NELL2: variants seen among roughly 807,000 people sequenced by gnomAD.
NELL2 encodes the protein neural EGFL like 2.
NELL2 carries 41 observed loss-of-function variants against 109.6 expected under a neutral mutation model. The observed-to-expected ratio is 0.37, with a 90% CI of 0.29 to 0.49. The LOEUF is 0.49. NELL2 is among the 20% of genes least tolerant of loss of function. NELL2 has a pLI of 0.98. For missense variants in NELL2, 900 were observed against 1,008.3 expected (o/e 0.89, Z 1.45); for synonymous variants, 355 against 344.7 (o/e 1.03, Z -0.33).
intron 2 of NELL2, among the ~76,000 whole-genome samples, chr12:44,826,639 C>T (rs2136710129): frequency 6.6e-6 from 1 of 152,298 alleles, no homozygotes; most frequent in East Asian, 1.9e-4. Flanking sequence ...ATAGAAATTG[C>T]TGATGAGAAA....
chr12:44,597,711 A>T (rs1945022415), intron 15 of NELL2, among the ~76,000 whole-genome samples: 1 of 152,210 alleles, frequency 6.6e-6, no homozygotes, highest in Admixed American at 6.5e-5. Flanking sequence ...TGAAAAACAC[A>T]AAATCATAGG....
intron 8 of NELL2, among the ~76,000 whole-genome samples, chr12:44,775,058 G>A (rs1941697675): frequency 6.6e-6 from 1 of 152,182 alleles, no homozygotes; most frequent in African/African-American, 2.4e-5. Flanking sequence ...ATTCCTAAAG[G>A]TGGCCAGAGC....
chr12:44,607,176 A>G lies in NELL2; in HGVS notation c.1656T>C (p.Cys552=), dbSNP rs1945439771. 6.2e-7 allele frequency: 1 copy of G among 1,611,408 alleles called. No homozygotes were observed. The change falls in exon 15 of 20, where the codon TGT becomes TGC. Residue 552 remains cysteine, a synonymous_variant. Coordinates refer to ENST00000429094, the MANE Select transcript of NELL2 (RefSeq NM_001145108.2). ...ACPQGFTGPS[C]ETDIDECSDG... ...ATGAAATGATATTCTTACCCGTTTC[A>G]CAGCTGGGTCCAGTGAAGCCTTGTG...
chr12:44,688,533 T>A (rs953315269), intron 12 of NELL2, among the ~76,000 whole-genome samples: 1 of 152,200 alleles, frequency 6.6e-6, no homozygotes, highest in East Asian at 1.9e-4. Context: ...CCCATTTTAA[T>A]AGACGAGGAG....
upstream of NELL2, among the ~76,000 whole-genome samples, chr12:44,916,274 G>A (rs1945828334): frequency 6.6e-6 from 1 of 152,114 alleles, no homozygotes; most frequent in Admixed American, 6.5e-5. Context: ...AGAGATAACT[G>A]AAGTCAAATG....
intron 1 of NELL2, among the ~76,000 whole-genome samples, chr12:44,919,413 G>T (rs561466546): frequency 1.3e-3 from 195 of 152,150 alleles, no homozygotes; most frequent in Non-Finnish European, 2.3e-3. Flanking sequence ...ATTATTGTGG[G>T]TTGCACTGTG....
rs1389619821 is a variant in NELL2, at chr12:44,607,184, G to A, written c.1648C>T (p.Pro550Ser). 14 of 1,612,058 alleles carry A rather than the reference G, an allele frequency of 8.7e-6. No individual in the cohort carries two copies. The highest frequency in any genetic ancestry group is 1.2e-5 in the Non-Finnish European group (14 of 1,178,892). ...VCACPQGFTG[P>S]SCETDIDECS... ...ATATTCTTACCCGTTTCACAGCTGGGTCCAGTGAAGCCTTGTGGGCAGGCA... is the reference window on the plus strand; with the variant it reads ...ATATTCTTACCCGTTTCACAGCTGGATCCAGTGAAGCCTTGTGGGCAGGCA... The change falls in exon 15 of 20, where the codon CCC (proline) becomes TCC (serine). Residue 550 changes from proline to serine, a missense_variant. Physicochemically the swap from Pro to Ser is moderately conservative, Grantham distance 74 (BLOSUM62 -1). Transcript: ENST00000429094.
intron 14 of NELL2, among the ~76,000 whole-genome samples, chr12:44,608,193 T>C (rs1945474825): frequency 6.6e-6 from 1 of 152,078 alleles, no homozygotes. Flanking sequence ...GACCAGCTTG[T>C]TCCCGGCATT....
Position 44,905,865 on chromosome 12 carries a change from C to T in NELL2, c.38+7934G>A, listed in dbSNP as rs561691803. Among the ~76,000 whole-genome samples, 951 of 152,090 alleles carry T rather than the reference C, an allele frequency of 6.3e-3. 11 individuals carry two copies. Among genetic ancestry groups the T allele is most frequent in the African/African-American group, 0.021 (881 of 41,520 alleles). On this transcript the variant is annotated intron_variant, in intron 1 of 20. Coordinates refer to the NELL2 transcript ENST00000333837. ...TAATGAAGGCCTACTATGCAACAGA[C>T]ACTATTAATATATTAATGAAAAAAG... is the stretch of plus-strand genomic sequence containing the variant.
At chr12:44,600,716 T>C (rs1945186810) in intron 15 of NELL2, among the ~76,000 whole-genome samples, 1 of 152,242 alleles carries the variant, frequency 6.6e-6, no homozygotes, top group Admixed American at 6.5e-5. Flanking sequence ...AAGCCTCAGC[T>C]TTCCTATTTG....
intron 9 of NELL2, among the ~76,000 whole-genome samples, chr12:44,744,883 A>G (rs899459587): frequency 1.3e-5 from 2 of 152,224 alleles, no homozygotes; most frequent in Non-Finnish European, 2.9e-5. Flanking sequence ...TACAAAGAGG[A>G]GCTGGTACCA....
chr12:44,816,007 G>A lies in NELL2; in HGVS notation c.314C>T (p.Ser105Leu), dbSNP rs764052461. 1 of 1,611,812 alleles carries A rather than the reference G, an allele frequency of 6.2e-7. No homozygotes were observed. The highest frequency in any genetic ancestry group is 8.5e-7 in the Non-Finnish European group (1 of 1,179,456). The change falls in exon 3 of 20, where the codon TCA becomes TTA. Residue 105 changes from serine (S) to leucine (L), a missense_variant. Around this residue, in one of 4 missense-constraint regions of NELL2, gnomAD observed 200 missense variants for 191.8 expected, o/e 1.04. Coordinates refer to ENST00000429094, the MANE Select transcript of NELL2 (RefSeq NM_001145108.2). ...TTACCTGTGATCCAAGTGGTGAATT[G>A]AGAGAATAACTCCTGAATTTAAGTG... ...QTHLNSGVIL[S>L]IHHLDHRYLE...
intron 2 of NELL2, among the ~76,000 whole-genome samples, chr12:44,848,408 A>G (rs906119502): frequency 1.3e-4 from 20 of 152,190 alleles, no homozygotes; most frequent in African/African-American, 4.8e-4. Context: ...GGAGCTAACA[A>G]AAATCCAGTG....
chr12:44,589,190 C>A (rs980636875), intron 15 of NELL2, among the ~76,000 whole-genome samples: 1 of 152,024 alleles, frequency 6.6e-6, no homozygotes, highest in Non-Finnish European at 1.5e-5. Context: ...TGTTGGCCTG[C>A]CTACTGTTGA....
intron 13 of NELL2, among the ~76,000 whole-genome samples, chr12:44,650,510 G>A (rs1034887612): frequency 1.3e-5 from 2 of 151,970 alleles, no homozygotes; most frequent in Non-Finnish European, 2.9e-5. Flanking sequence ...GGCCAGGCTG[G>A]TCTTGAACCC....
chr12:44,636,395 T>C (rs1379589391), intron 13 of NELL2, among the ~76,000 whole-genome samples: 1 of 152,192 alleles, frequency 6.6e-6, no homozygotes, highest in East Asian at 1.9e-4. Flanking sequence ...CTTTTGCCCA[T>C]TCAGTATGAT....
chr12:44,690,167 A>C (rs116510774), intron 12 of NELL2, among the ~76,000 whole-genome samples: 16 of 152,320 alleles, frequency 1.1e-4, no homozygotes, highest in Non-Finnish European at 1.8e-4. Context: ...TGCATTTTTC[A>C]TAAGATCCTC....
intron 15 of NELL2, among the ~76,000 whole-genome samples, chr12:44,606,387 C>T (rs1347427631): frequency 6.6e-6 from 1 of 152,074 alleles, no homozygotes; most frequent in South Asian, 2.1e-4. Context: ...CTGTCAATTG[C>T]CAGTGGCAGA....
intron 3 of NELL2, among the ~76,000 whole-genome samples, chr12:44,793,196 A>G (rs1372091778): frequency 4.6e-5 from 7 of 152,194 alleles, no homozygotes; most frequent in Admixed American, 6.6e-5. Context: ...AAGATAAAAA[A>G]GAAAAAGGTA....
Sources: gnomAD v4.1 joint callset for allele counts (sites outside exome capture counted in the v4.1 genomes callset) on GRCh38, gnomAD v4.1.1 for gene constraint, gnomAD v4.1.1 regional missense constraint, MANE v1.5 for transcripts, NCBI Gene and HGNC (gene_info 2026-07-23, HGNC 2026-07-21) for gene names.